PCDHAC2: variants seen among roughly 807,000 people sequenced by gnomAD.
PCDHAC2 encodes protocadherin alpha subfamily C, 2.
PCDHAC2 carries 24 observed loss-of-function variants against 63.3 expected under a neutral mutation model. The observed-to-expected ratio is 0.38, with a 90% confidence interval of 0.27 to 0.53. The LOEUF (loss-of-function observed/expected upper bound fraction) is 0.53. Ranked by LOEUF, PCDHAC2 falls within the 20% of genes least tolerant of loss-of-function variation. The pLI, the probability that PCDHAC2 is intolerant of heterozygous loss-of-function variation, is 0.81. For missense variants in PCDHAC2, 1,181 were observed against 1,275.2 expected (o/e 0.93, Z 1.12); for synonymous variants, 569 against 529.4 (o/e 1.07, Z -1.03).
intron 3 of PCDHAC2, among the ~76,000 whole-genome samples, chr5:141,002,404 C>T (rs1167193365): frequency 2.0e-5 from 3 of 152,200 alleles, no homozygotes; most frequent in African/African-American, 7.2e-5. Context: ...CTCTGTGCCT[C>T]CCAAATAGTA....
intron 3 of PCDHAC2, among the ~76,000 whole-genome samples, chr5:140,999,874 T>G (rs897953919): frequency 6.6e-6 from 1 of 152,122 alleles, no homozygotes; most frequent in Admixed American, 6.5e-5. Flanking sequence ...TTACTGAAAA[T>G]TAGCCCAGCT....
chr5:140,973,411 C>G (rs545745437), intron 1 of PCDHAC2, among the ~76,000 whole-genome samples: 2 of 152,326 alleles, frequency 1.3e-5, no homozygotes, highest in East Asian at 3.9e-4. Context: ...TGAGCTTCCA[C>G]TCCAGTTTTT....
intron 3 of PCDHAC2, among the ~76,000 whole-genome samples, chr5:140,993,994 A>T (rs1393081374): frequency 6.6e-6 from 1 of 152,234 alleles, no homozygotes; most frequent in African/African-American, 2.4e-5. Context: ...CACTTAGGTC[A>T]GGCCAGGCTC....
In PCDHAC2 at chr5:140,969,065, A is replaced by G. The variant is rs1554231418; in HGVS notation, c.2299A>G (p.Arg767Gly). 4.3e-6 allele frequency: 7 copies of G among 1,614,188 alleles called. No individual in the cohort carries two copies. The East Asian group carries it at 1.6e-4, about 36-fold the overall frequency. Residue 767 changes from arginine (R) to glycine (G), a missense_variant, in exon 1 of 4, where the codon AGG (arginine) becomes GGG (glycine). Arg to Gly is a moderately radical substitution (Grantham distance 125). Around this residue, in one of 3 missense-constraint regions of PCDHAC2, gnomAD observed 968 missense variants for 1,073.5 expected, o/e 0.90. Coordinates refer to ENST00000289269, the MANE Select transcript of PCDHAC2 (RefSeq NM_018899.6). ...YKQANNNIDA[R>G]IPHGLKVQPH... is the part of the protein sequence containing the mutation. ...ACAAGCCAACAACAATATTGATGCC[A>G]GGATACCGCATGGCCTCAAAGTGCA...
Position 140,969,174 on chromosome 5 carries a change from G to A in PCDHAC2, c.2408G>A (p.Ser803Asn), listed in dbSNP as rs777458792. 6.2e-7 allele frequency: 1 copy of A among 1,614,076 alleles called. No homozygotes were observed. The highest frequency in any genetic ancestry group is 1.1e-5 in the South Asian group (1 of 91,056). Reference sequence around the variant, plus strand: ...GCCTGTCTGACAGCAGGCTCAGGGAGTGACACTTTCATGTTTTACAATACA... The same window carrying A: ...GCCTGTCTGACAGCAGGCTCAGGGAATGACACTTTCATGTTTTACAATACA... ...YKACLTAGSGSDTFMFYNTGA... is the reference protein window; with the variant it reads ...YKACLTAGSGNDTFMFYNTGA... Residue 803 changes from serine (S) to asparagine (N), a missense_variant, in exon 1 of 4, where the codon AGT becomes AAT. Ser to Asn is a conservative substitution (Grantham distance 46). Coordinates refer to ENST00000289269, the MANE Select transcript of PCDHAC2 (RefSeq NM_018899.6).
chr5:140,967,045 C>T lies in PCDHAC2; in HGVS notation c.279C>T (p.Asp93=). ...GAPSPRYLEL[D]LTSGALFVNE... is the part of the protein sequence containing the mutation. The stretch of plus-strand genomic sequence containing the variant: ...CCAGTCCGCGCTACCTGGAGCTGGA[C>T]CTGACGAGTGGAGCGCTCTTCGTCA... The change falls in exon 1 of 4, where the codon GAC becomes GAT. Residue 93 remains aspartate (D), a synonymous_variant. Coordinates refer to ENST00000289269, the MANE Select transcript of PCDHAC2 (RefSeq NM_018899.6). 1 of 1,612,250 alleles carries T rather than the reference C, an allele frequency of 6.2e-7. No individual in the cohort carries two copies.
At chr5:140,972,829 A>T (rs1554234573) in intron 1 of PCDHAC2, among the ~76,000 whole-genome samples, 2 of 151,928 alleles carry the variant, frequency 1.3e-5, no homozygotes, top group African/African-American at 4.8e-5. Flanking sequence ...ACGCCTGGCT[A>T]ATTTTTGTAT....
rs782453868 is a variant in PCDHAC2, at chr5:140,967,552, T to C, written c.786T>C (p.Tyr262=). ...CTCCTGCCTTTGACCAGTCCACTTA[T>C]CGCGTCCAGCTACGGGAGGACTCAC... The part of the protein sequence containing the change: ...DNSPAFDQST[Y]RVQLREDSPP... The change falls in exon 1 of 4, where the codon TAT becomes TAC. Residue 262 remains tyrosine (Y), a synonymous_variant. Coordinates refer to ENST00000289269, the MANE Select transcript of PCDHAC2 (RefSeq NM_018899.6). The C allele has an allele frequency of 1.2e-6, 2 of 1,613,908 alleles. No individual in the cohort carries two copies. The highest frequency in any genetic ancestry group is 1.7e-6 in the Non-Finnish European group (2 of 1,179,996).
At position 141,009,762 on chromosome 5, in the gene PCDHAC2, C is replaced by G. The variant is rs2154001658; in HGVS notation, c.2849C>G (p.Ser950Cys). Reference sequence around the variant, plus strand: ...CCCGACAAATTCATTATCCCAGGATCTCCTGCAATCATCTCCATCCGGCAG... The same window carrying G: ...CCCGACAAATTCATTATCCCAGGATGTCCTGCAATCATCTCCATCCGGCAG... Reference protein sequence around the residue: ...ELPDKFIIPGSPAIISIRQEP... With the variant: ...ELPDKFIIPGCPAIISIRQEP... The change falls in exon 4 of 4, where the codon TCT becomes TGT. Residue 950 changes from serine (S) to cysteine (C), a missense_variant. Coordinates refer to ENST00000289269, the MANE Select transcript of PCDHAC2 (RefSeq NM_018899.6). 5 of 1,614,180 alleles carry G rather than the reference C, an allele frequency of 3.1e-6. No homozygotes were observed. In the East Asian group the frequency reaches 1.1e-4, roughly 36 times the overall value.
rs1278018540 is a variant in PCDHAC2 at position 140,969,237 on chromosome 5, C to T, written c.2471C>T (p.Ala824Val). ...QTGPGPSGAQAAVTDSRNLTG... is the reference protein window; with the variant it reads ...QTGPGPSGAQVAVTDSRNLTG... The stretch of plus-strand genomic sequence containing the variant: ...GGACCAGGGCCTTCGGGAGCCCAAG[C>T]AGCAGTGACTGACAGCAGGAATCTC... Residue 824 changes from alanine to valine, a missense_variant, in exon 1 of 4, where the codon GCA becomes GTA. Transcript: ENST00000289269. The T allele has an allele frequency of 6.2e-7, 1 of 1,614,156 alleles. No homozygotes were observed. The highest frequency in any genetic ancestry group is 1.3e-5 in the African/African-American group (1 of 75,016).
intron 3 of PCDHAC2, among the ~76,000 whole-genome samples, chr5:140,987,098 C>A (rs2153859479): frequency 6.6e-6 from 1 of 151,952 alleles, no homozygotes; most frequent in Admixed American, 6.6e-5. Flanking sequence ...CCTGTAATCC[C>A]AGCTACTCGG....
intron 3 of PCDHAC2, 32 bp downstream of exon 3, chr5:140,982,595 G>A (rs1554244629): frequency 6.2e-7 from 1 of 1,609,520 alleles, no homozygotes; most frequent in Non-Finnish European, 8.5e-7. Flanking sequence ...ATTCTTTCTT[G>A]GTTTCTGGAA....
At chr5:140,982,025 C>A (rs1191670248) in intron 2 of PCDHAC2, among the ~76,000 whole-genome samples, 1 of 152,180 alleles carries the variant, frequency 6.6e-6, no homozygotes, top group Non-Finnish European at 1.5e-5. Flanking sequence ...CAAATTGGAA[C>A]AATACTCCAA....
At chr5:141,002,948 C>A (rs2098104348) in intron 3 of PCDHAC2, among the ~76,000 whole-genome samples, 1 of 152,152 alleles carries the variant, frequency 6.6e-6, no homozygotes, top group African/African-American at 2.4e-5. Flanking sequence ...CAGCACATGC[C>A]CCTCTGAGAG....
intron 1 of PCDHAC2, 33 bp downstream of exon 1, chr5:140,969,364 T>C: frequency 6.2e-7 from 1 of 1,610,368 alleles, no homozygotes; most frequent in Non-Finnish European, 8.5e-7. Context: ...TTCTACAAAC[T>C]CATGCATTTG....
At chr5:140,990,668 G>A (rs1554251661) in intron 3 of PCDHAC2, among the ~76,000 whole-genome samples, 1 of 152,178 alleles carries the variant, frequency 6.6e-6, no homozygotes, top group African/African-American at 2.4e-5. Flanking sequence ...TACATTAGAT[G>A]CACACCAAGC....
rs781815387 is a variant in PCDHAC2, at chr5:140,978,983, C to A, written c.2600C>A (p.Ala867Asp). The part of the protein sequence containing the change: ...RQPNPDWRYS[A>D]SLRAGMHSSV... Reference sequence around the variant, plus strand: ...CCCAACCCTGACTGGCGTTACTCTGCCTCCCTGAGAGCAGGCATGCACAGG... The same window carrying A: ...CCCAACCCTGACTGGCGTTACTCTGACTCCCTGAGAGCAGGCATGCACAGG... Residue 867 changes from alanine (A) to aspartate (D), a missense_variant, in exon 2 of 4, where the codon GCC (alanine) becomes GAC (aspartate). By Grantham distance (126) the Ala-to-Asp change is moderately radical. Transcript: ENST00000289269. 1.6e-5 allele frequency: 26 copies of A among 1,614,142 alleles called. No homozygotes were observed. Among genetic ancestry groups the A allele is most frequent in the Non-Finnish European group, 2.2e-5 (26 of 1,180,024 alleles).
At chr5:141,001,683 C>T (rs1042436989) in intron 3 of PCDHAC2, among the ~76,000 whole-genome samples, 1 of 152,030 alleles carries the variant, frequency 6.6e-6, no homozygotes, top group Non-Finnish European at 1.5e-5. Flanking sequence ...TCCAACAAAC[C>T]CCACAGATGG....
chr5:140,970,933 G>T (rs782607345), intron 1 of PCDHAC2, among the ~76,000 whole-genome samples: 6 of 152,176 alleles, frequency 3.9e-5, no homozygotes, highest in African/African-American at 9.7e-5. Context: ...CCTGGTGTTA[G>T]TCAATGCTGA....
Sources: gnomAD v4.1 joint callset for allele counts (sites outside exome capture counted in the v4.1 genomes callset) on GRCh38, gnomAD v4.1.1 for gene constraint, gnomAD v4.1.1 regional missense constraint, MANE v1.5 for transcripts, NCBI Gene and HGNC (gene_info 2026-07-23, HGNC 2026-07-21) for gene names.